Variants in USP34 observed in about 807,000 individuals in gnomAD.
USP34 encodes ubiquitin specific peptidase 34.
In USP34, 70 loss-of-function variants were observed where a neutral mutation model predicts 460.3. The ratio of observed to expected loss-of-function variants is 0.15; its 90% CI spans 0.13 to 0.19. USP34 has a LOEUF of 0.19. USP34 is among the 10% of genes least tolerant of loss of function. USP34 has a pLI of 1.00. For synonymous variants in USP34, 1,647 were observed against 1,405.3 expected (o/e 1.17, Z -3.85); for missense variants, 3,985 against 4,236.2 (o/e 0.94, Z 1.65).
At chr2:61,389,781 C>G (rs1032392466) in intron 5 of USP34, among the ~76,000 whole-genome samples, 1 of 151,902 alleles carries the variant, frequency 6.6e-6, no homozygotes, top group African/African-American at 2.4e-5. Context: ...CTTCTCCCCA[C>G]CCCCTGCTTA....
chr2:61,437,622 A>G (rs1392361781), intron 1 of USP34, among the ~76,000 whole-genome samples: 1 of 151,872 alleles, frequency 6.6e-6, no homozygotes, highest in Admixed American at 6.6e-5. Flanking sequence ...AAATACAAAA[A>G]ATTAGCCAGG....
chr2:61,457,468 C>G (rs183104337), intron 1 of USP34, among the ~76,000 whole-genome samples: 61 of 152,242 alleles, frequency 4.0e-4, no homozygotes, highest in South Asian at 1.4e-3. Context: ...CTGTTTCTGC[C>G]AAAGAAACGG....
chr2:61,435,174 G>C (rs1277476619), intron 1 of USP34, among the ~76,000 whole-genome samples: 1 of 151,748 alleles, frequency 6.6e-6, no homozygotes, highest in Non-Finnish European at 1.5e-5. Context: ...ACATGGTGGT[G>C]AATGCTTATA....
At chr2:61,425,321 T>C (rs568282489) in intron 1 of USP34, among the ~76,000 whole-genome samples, 5 of 152,278 alleles carry the variant, frequency 3.3e-5, no homozygotes, top group African/African-American at 4.8e-5. Flanking sequence ...TGAGTACTCA[T>C]AGTACCTGGT....
intron 41 of USP34, among the ~76,000 whole-genome samples, chr2:61,268,146 T>C (rs1444384009): frequency 2.0e-5 from 3 of 152,152 alleles, no homozygotes; most frequent in South Asian, 4.1e-4. Context: ...TCAGAGAATA[T>C]TAAAAATAGT....
chr2:61,206,430 TGCAAATGATCTAATCTAA>T (rs550391919), intron 71 of USP34, among the ~76,000 whole-genome samples: 135 of 152,350 alleles, frequency 8.9e-4, no homozygotes, highest in African/African-American at 3.0e-3. Flanking sequence ...CGCATGAAAC[TGCAAATGATCTAATCTAA>T]GCCAAAGAAG....
At chr2:61,425,188 G>A (rs1364456567) in intron 1 of USP34, among the ~76,000 whole-genome samples, 1 of 151,630 alleles carries the variant, frequency 6.6e-6, no homozygotes, top group Non-Finnish European at 1.5e-5. Flanking sequence ...CCATGCCCCC[G>A]CCAACAAGGA....
At chr2:61,454,540 G>A (rs1182238970) in intron 1 of USP34, among the ~76,000 whole-genome samples, 4 of 152,060 alleles carry the variant, frequency 2.6e-5, no homozygotes, top group Admixed American at 6.6e-5. Context: ...GGTCCCTGGT[G>A]ACTGTGTCAA....
chr2:61,290,634 G>A (rs1453425919), intron 33 of USP34, among the ~76,000 whole-genome samples: 1 of 152,060 alleles, frequency 6.6e-6, no homozygotes, highest in Non-Finnish European at 1.5e-5. Flanking sequence ...ACAAAGTGGA[G>A]GAAGAAAAAT....
chr2:61,346,831 C>CAA (rs776311612), intron 15 of USP34, among the ~76,000 whole-genome samples: 5,682 of 28,904 alleles, frequency 0.2, 478 homozygotes, highest in South Asian at 0.31. Context: ...GATTCCAACT[C>CAA]AAAAAAAAAA....
chr2:61,280,158 A>G, intron 39 of USP34, 86 bp downstream of exon 39: 1 of 752,000 alleles, frequency 1.3e-6, no homozygotes, highest in Non-Finnish European at 2.0e-6. Context: ...AGTACACTTA[A>G]TAACCAATAA....
chr2:61,312,879 G>C (rs570855777), intron 25 of USP34, among the ~76,000 whole-genome samples: 3 of 152,114 alleles, frequency 2.0e-5, no homozygotes, highest in African/African-American at 7.2e-5. Context: ...AACACTTCTG[G>C]CTGAGAACCA....
chr2:61,303,082 T>G (rs1422539911), intron 27 of USP34, among the ~76,000 whole-genome samples: 1 of 152,186 alleles, frequency 6.6e-6, no homozygotes, highest in Non-Finnish European at 1.5e-5. Context: ...AGTTTTTTTT[T>G]TTGAGACGGA....
intron 35 of USP34, among the ~76,000 whole-genome samples, 200 bp downstream of exon 35, chr2:61,284,675 C>A (rs938114138): frequency 5.9e-5 from 9 of 152,184 alleles, no homozygotes; most frequent in African/African-American, 1.9e-4. Context: ...TGTAAACACA[C>A]AGAAAATACG....
At chr2:61,259,809 CA>C in intron 43 of USP34, 33 bp from the exon 44 acceptor site, 1 of 1,596,626 alleles carries the variant, frequency 6.3e-7, no homozygotes, top group South Asian at 1.1e-5. Flanking sequence ...ATTAAAAACA[CA>C]GACATGATGG....
chr2:61,466,610 T>C (rs897838870), intron 1 of USP34, among the ~76,000 whole-genome samples: 1 of 152,094 alleles, frequency 6.6e-6, no homozygotes, highest in Non-Finnish European at 1.5e-5. Context: ...CAACTAAAAA[T>C]TTTTTAAACA....
At chr2:61,221,660 C>A (rs1687591568) in intron 65 of USP34, 54 bp from the exon 66 acceptor site, 2 of 1,532,696 alleles carry the variant, frequency 1.3e-6, no homozygotes, top group Non-Finnish European at 9.0e-7. Context: ...CCATCTCCTT[C>A]AGCAGAGAAG....
rs181604335 is a variant in USP34, at chr2:61,437,406, C to T, written c.44-16573G>A. Among the ~76,000 whole-genome samples the T allele has an allele frequency of 4.4e-3, 662 of 152,170 alleles. 16 individuals carry two copies. Among genetic ancestry groups the T allele is most frequent in the Admixed American group, 0.039 (596 of 15,264 alleles). On this transcript the variant is annotated intron_variant, in intron 1 of 79. Transcript: ENST00000398571. ...TAGAGACTGCTGACCAACTACGCAGCAATAAATTTAAAAACCTAGAGGAAA... is the reference window on the plus strand; with the variant it reads ...TAGAGACTGCTGACCAACTACGCAGTAATAAATTTAAAAACCTAGAGGAAA...
intron 1 of USP34, among the ~76,000 whole-genome samples, chr2:61,447,853 T>C (rs923800154): frequency 5.3e-5 from 8 of 152,106 alleles, no homozygotes; most frequent in Admixed American, 5.2e-4. Context: ...GTAGTTGGGA[T>C]TGCAGGTGCG....
Sources: allele counts gnomAD v4.1 joint callset (sites outside exome capture counted in the v4.1 genomes callset), GRCh38; gene constraint gnomAD v4.1.1; transcripts MANE v1.5; gene names NCBI Gene and HGNC (gene_info 2026-07-23, HGNC 2026-07-21).